The following SLMAP variants were observed in gnomAD, a reference collection of about 807,000 sequenced individuals.
SLMAP encodes sarcolemma associated protein.
Under a neutral mutation model 128.8 loss-of-function variants are expected in SLMAP, and 44 were observed. The ratio of observed to expected loss-of-function variants is 0.34; its 90% CI spans 0.27 to 0.44. The LOEUF is 0.44. Among genes scored for constraint, SLMAP ranks in the 20% least tolerant of loss-of-function variants. The probability of loss-of-function intolerance (pLI) is 1.00; values close to 1 mark genes in which losing one functional copy is unlikely to be tolerated. For missense variants in SLMAP, 787 were observed against 985.3 expected (o/e 0.80, Z 2.69); for synonymous variants, 327 against 348.8 (o/e 0.94, Z 0.70).
At chr3:57,881,119 A>G (rs1446523589) in intron 14 of SLMAP, among the ~76,000 whole-genome samples, 1 of 151,978 alleles carries the variant, frequency 6.6e-6, no homozygotes, top group Non-Finnish European at 1.5e-5. Context: ...ACTTGAACCC[A>G]GGAGACAGAG....
At chr3:57,844,698 GTTTCTA>G (rs2094153666) in intron 4 of SLMAP, among the ~76,000 whole-genome samples, 1 of 133,690 alleles carries the variant, frequency 7.5e-6, no homozygotes, top group Non-Finnish European at 1.6e-5. Context: ...TATACCATTT[GTTTCTA>G]TTTAGACTTT....
intron 13 of SLMAP, among the ~76,000 whole-genome samples, chr3:57,868,317 G>A (rs981523177): frequency 3.3e-5 from 5 of 151,814 alleles, no homozygotes; most frequent in Non-Finnish European, 7.4e-5. Context: ...TTTTCTGCTG[G>A]GCAAAGTAGC....
At chr3:57,825,786 T>G (rs1377318243) in intron 2 of SLMAP, among the ~76,000 whole-genome samples, 2 of 152,180 alleles carry the variant, frequency 1.3e-5, no homozygotes, top group Admixed American at 6.5e-5. Context: ...ACGCTGGGAA[T>G]GCAGGCTGAT....
chr3:57,899,565 T>A (rs1475243295), intron 17 of SLMAP: 3 of 152,172 alleles, frequency 2.0e-5, no homozygotes, highest in Non-Finnish European at 2.9e-5. Context: ...TTACTTATTT[T>A]GTTTTGTTTT....
At chr3:57,810,215 C>T (rs1452769272) in intron 2 of SLMAP, among the ~76,000 whole-genome samples, 2 of 152,216 alleles carry the variant, frequency 1.3e-5, no homozygotes, top group African/African-American at 4.8e-5. Flanking sequence ...CCTGGAGCTG[C>T]CCGCCCCACT....
intron 13 of SLMAP, among the ~76,000 whole-genome samples, chr3:57,869,656 A>ATATATATATATATATTTGTT (rs2095432422): frequency 7.3e-6 from 1 of 136,262 alleles, no homozygotes; most frequent in Non-Finnish European, 1.6e-5. Context: ...ATATATATAT[A>ATATATATATATATATTTGTT]TATAATATAT....
rs572922936 is a variant in SLMAP at position 57,843,597 on chromosome 3, C to A, written c.419+2226C>A. Among the ~76,000 whole-genome samples the A allele has an allele frequency of 9.0e-4, 136 of 151,726 alleles. 1 individual carries two copies. Among genetic ancestry groups the A allele is most frequent in the Middle Eastern group, 3.4e-3 (1 of 294 alleles). On this transcript the variant is annotated intron_variant, in intron 4 of 24. Transcript: ENST00000671191. Reference sequence around the variant, plus strand: ...CTGGGATTATAGGCCTGAGCCACCACGCCTGGCCAATAATTTTTAAATGAT... The same window carrying A: ...CTGGGATTATAGGCCTGAGCCACCAAGCCTGGCCAATAATTTTTAAATGAT...
At position 57,835,121 on chromosome 3, in the gene SLMAP, CAAAAAAAAAAAAA is replaced by C. The variant is rs60166193; in HGVS notation, c.346+3607_346+3619del. Among the ~76,000 whole-genome samples, 4 of 37,662 alleles carry C rather than the reference CAAAAAAAAAAAAA, an allele frequency of 1.1e-4. No individual in the cohort carries two copies. In the South Asian group the frequency reaches 3.7e-3, roughly 35 times the overall value. The allele number at this position is 37,662 out of a possible 152,430, so 24.7% of individuals were successfully genotyped here. ...TGAGCAACAGAGCCAGACCCTGTCT[CAAAAAAAAAAAAA>C]AAAAAAAAAAAAAAATGCTATTAGG... On this transcript the variant is annotated intron_variant, in intron 3 of 24. Transcript: ENST00000671191.
intron 14 of SLMAP, 59 bp downstream of exon 14, chr3:57,871,757 G>A (rs2095484914): frequency 3.8e-6 from 5 of 1,300,936 alleles, no homozygotes; most frequent in East Asian, 2.3e-5. Flanking sequence ...AAACTTAAAA[G>A]TGAGAGGTAA....
In SLMAP at chr3:57,906,674, AATATATATAT is replaced by A. The variant is rs71091317; in HGVS notation, c.1502-1192_1502-1183del. On this transcript the variant is annotated intron_variant, in intron 17 of 24. Coordinates refer to ENST00000671191, the MANE Select transcript of SLMAP (RefSeq NM_001377540.1). ...ATATAATCTATGAATATGAAAAAAAAATATATATATATATATATATATATATAATTTCCAA... is the reference window on the plus strand; with the variant it reads ...ATATAATCTATGAATATGAAAAAAAAATATATATATATATATAATTTCCAA... 1.9e-3 allele frequency among the ~76,000 whole-genome samples: 126 copies of A among 67,454 alleles called. 1 individual carries two copies. Among genetic ancestry groups the A allele is most frequent in the African/African-American group, 6.2e-3 (118 of 18,898 alleles). 44.3% of individuals were successfully genotyped at this position (67,454 alleles called of 152,430 possible). A position where few individuals can be genotyped will look rare whatever the true frequency, so the allele number is the denominator to read the frequency against.
chr3:57,824,378 A>G (rs1313110334), intron 2 of SLMAP, among the ~76,000 whole-genome samples: 2 of 152,130 alleles, frequency 1.3e-5, no homozygotes, highest in African/African-American at 4.8e-5. Flanking sequence ...GCCGAAAAGT[A>G]TTTTATGGTT....
At chr3:57,759,400 C>T (rs1444519835) in intron 2 of SLMAP, among the ~76,000 whole-genome samples, 3 of 151,880 alleles carry the variant, frequency 2.0e-5, no homozygotes, top group Non-Finnish European at 4.4e-5. Context: ...GCCTCAGCCT[C>T]CAAAGTAGCT....
chr3:57,827,095 A>G (rs2092979592), intron 2 of SLMAP, among the ~76,000 whole-genome samples: 1 of 152,224 alleles, frequency 6.6e-6, no homozygotes, highest in Non-Finnish European at 1.5e-5. Flanking sequence ...TCTATTCTGC[A>G]TTCATATCTT....
In SLMAP at chr3:57,903,428, T is replaced by A. The variant is rs373566478; in HGVS notation, c.1502-4456T>A. Among the ~76,000 whole-genome samples the A allele has an allele frequency of 1.8e-4, 28 of 152,342 alleles. No individual in the cohort carries two copies. In the East Asian group the frequency reaches 5.2e-3, roughly 28 times the overall value. On this transcript the variant is annotated intron_variant, in intron 17 of 24. Coordinates refer to ENST00000671191, the MANE Select transcript of SLMAP (RefSeq NM_001377540.1). The stretch of plus-strand genomic sequence containing the variant: ...TGACATGCCATATGTTATGGCTAGG[T>A]CAGCTTTCCACAAGTATGCACATGC...
chr3:57,780,946 T>G (rs952953150), intron 2 of SLMAP, among the ~76,000 whole-genome samples: 1 of 151,850 alleles, frequency 6.6e-6, no homozygotes, highest in African/African-American at 2.4e-5. Flanking sequence ...CCCAGTAAAA[T>G]TCTTTAAAGA....
At chr3:57,805,478 C>T (rs1011154829) in intron 2 of SLMAP, among the ~76,000 whole-genome samples, 1 of 152,146 alleles carries the variant, frequency 6.6e-6, no homozygotes, top group Non-Finnish European at 1.5e-5. Flanking sequence ...GTCCAGTAGC[C>T]CAGGCTACCA....
intron 2 of SLMAP, among the ~76,000 whole-genome samples, chr3:57,761,893 A>G (rs1289310299): frequency 6.7e-6 from 1 of 148,158 alleles, no homozygotes; most frequent in Non-Finnish European, 1.5e-5. Context: ...TAAAAATACA[A>G]AAAATTAGCC....
intron 2 of SLMAP, among the ~76,000 whole-genome samples, chr3:57,786,597 T>C (rs138489043): frequency 0.018 from 2,671 of 148,810 alleles, 71 homozygotes; most frequent in African/African-American, 0.062. Flanking sequence ...CACTCTGTTA[T>C]CCAGGCTGGA....
intron 2 of SLMAP, among the ~76,000 whole-genome samples, chr3:57,789,260 TG>T (rs1055741295): frequency 6.6e-6 from 1 of 151,824 alleles, no homozygotes; most frequent in Non-Finnish European, 1.5e-5. Context: ...ACCACTGCAG[TG>T]GGGTGTGGGG....
Sources: allele counts gnomAD v4.1 joint callset (sites outside exome capture counted in the v4.1 genomes callset), GRCh38; gene constraint gnomAD v4.1.1; transcripts MANE v1.5; gene names NCBI Gene and HGNC (gene_info 2026-07-23, HGNC 2026-07-21).